The following CDKN2B-AS1 variants were observed in gnomAD, a reference collection of about 807,000 sequenced individuals.
CDKN2B-AS1 encodes the protein CDKN2B and CDKN2A antisense cis and trans regulatory RNA 1.
intron 4 of CDKN2B-AS1, among the ~76,000 whole-genome samples, chr9:22,057,129 A>T (rs1587468849): frequency 6.6e-6 from 1 of 152,290 alleles, no homozygotes; most frequent in Admixed American, 6.5e-5. Context: ...TATGTGAATT[A>T]TTTTGATAAA....
At chr9:22,045,869 G>A (rs1019962639) in intron 1 of CDKN2B-AS1, among the ~76,000 whole-genome samples, 1 of 151,838 alleles carries the variant, frequency 6.6e-6, no homozygotes, top group Admixed American at 6.6e-5. Context: ...TAAATCAGAA[G>A]GTGTATTTAT....
intron 4 of CDKN2B-AS1, among the ~76,000 whole-genome samples, chr9:22,095,915 C>G (rs912613026): frequency 1.3e-5 from 2 of 151,478 alleles, no homozygotes; most frequent in South Asian, 2.1e-4. Flanking sequence ...CAACCCCTGC[C>G]TTTTTTTGTT....
intron 1 of CDKN2B-AS1, among the ~76,000 whole-genome samples, chr9:22,013,276 T>C (rs1168798479): frequency 6.6e-6 from 1 of 152,206 alleles, no homozygotes; most frequent in Non-Finnish European, 1.5e-5. Flanking sequence ...AATATAAAAA[T>C]TTAGAGGTGA....
At chr9:22,082,527 A>T (rs1824733393) in intron 4 of CDKN2B-AS1, among the ~76,000 whole-genome samples, 1 of 152,176 alleles carries the variant, frequency 6.6e-6, no homozygotes, top group Non-Finnish European at 1.5e-5. Flanking sequence ...TGCACTCCAA[A>T]ATTTGTTGAA....
intron 4 of CDKN2B-AS1, among the ~76,000 whole-genome samples, chr9:22,111,396 A>G (rs945974350): frequency 6.6e-6 from 1 of 152,162 alleles, no homozygotes; most frequent in African/African-American, 2.4e-5. Context: ...AAGAGCAGGG[A>G]TTCAACAAAG....
chr9:22,104,419 G>T (rs1286328241), intron 4 of CDKN2B-AS1, among the ~76,000 whole-genome samples: 3 of 152,182 alleles, frequency 2.0e-5, no homozygotes, highest in African/African-American at 7.2e-5. Flanking sequence ...CCCAAGTGAG[G>T]ATGCTCTCTA....
chr9:22,071,032 A>G (rs990911786), intron 4 of CDKN2B-AS1, among the ~76,000 whole-genome samples: 4 of 152,084 alleles, frequency 2.6e-5, no homozygotes, highest in Admixed American at 1.3e-4. Context: ...GATTCAAGCC[A>G]CTGGATTAAG....
At chr9:22,100,503 A>C (rs951256200) in intron 4 of CDKN2B-AS1, among the ~76,000 whole-genome samples, 2 of 151,950 alleles carry the variant, frequency 1.3e-5, no homozygotes, top group Admixed American at 6.6e-5. Context: ...ATTCCTTTTT[A>C]TTTGTGTCTA....
chr9:22,025,610 A>G (rs1281436468), intron 1 of CDKN2B-AS1, among the ~76,000 whole-genome samples: 2 of 152,304 alleles, frequency 1.3e-5, no homozygotes, highest in South Asian at 4.1e-4. Context: ...GGCCAGCTCC[A>G]GTCCCTGGTC....
At chr9:22,023,511 A>C (rs1587416485) in intron 1 of CDKN2B-AS1, among the ~76,000 whole-genome samples, 1 of 151,916 alleles carries the variant, frequency 6.6e-6, no homozygotes, top group Non-Finnish European at 1.5e-5. Flanking sequence ...AGGTGGGTGG[A>C]TCATTTGAGG....
intron 4 of CDKN2B-AS1, among the ~76,000 whole-genome samples, chr9:22,102,744 T>C (rs1563983262): frequency 6.6e-6 from 1 of 152,226 alleles, no homozygotes; most frequent in African/African-American, 2.4e-5. Flanking sequence ...AAGATTTTCT[T>C]TTCTGCTAAG....
intron 4 of CDKN2B-AS1, among the ~76,000 whole-genome samples, chr9:22,104,683 ATTTG>A (rs1226356096): frequency 6.6e-6 from 1 of 151,976 alleles, no homozygotes; most frequent in Non-Finnish European, 1.5e-5. Flanking sequence ...TCCATTTACC[ATTTG>A]TTTGTTTTTT....
At chr9:22,050,608 C>G (rs1823305045) in intron 3 of CDKN2B-AS1, among the ~76,000 whole-genome samples, 1 of 152,154 alleles carries the variant, frequency 6.6e-6, no homozygotes, top group Non-Finnish European at 1.5e-5. Context: ...GTGAATGCTT[C>G]CTAGGAGAGC....
At chr9:22,071,292 T>G (rs1466756222) in intron 4 of CDKN2B-AS1, among the ~76,000 whole-genome samples, 909 of 23,138 alleles carry the variant, frequency 0.039, 19 homozygotes, top group African/African-American at 0.097. Context: ...TAGCTTTTTT[T>G]TTTTTTTTTT....
intron 4 of CDKN2B-AS1, among the ~76,000 whole-genome samples, chr9:22,102,177 T>C (rs183468826): frequency 6.6e-6 from 1 of 152,230 alleles, no homozygotes; most frequent in Admixed American, 6.5e-5. Context: ...AGGCATTCCT[T>C]TGAATTGCAC....
rs559368389 is a variant in CDKN2B-AS1, at chr9:22,039,973, A to G, written n.30-6778A>G. Among the ~76,000 whole-genome samples, 5 of 152,164 alleles carry G rather than the reference A, an allele frequency of 3.3e-5. No individual in the cohort carries two copies. Among genetic ancestry groups the G allele is most frequent in the Non-Finnish European group, 7.4e-5 (5 of 67,968 alleles). ...TTTGGCCATAGAGACATGCACTGGG[A>G]GAATGCTCTCTGAAGACTGGAGTTA... On this transcript the variant is annotated intron_variant and non_coding_transcript_variant, in intron 1 of 4. Transcript: ENST00000650946. The surrounding 1 kb of genome is among the most constrained non-coding windows in gnomAD (Gnocchi z 4.4).
At chr9:22,121,358 T>C (rs72654280) in intron 4 of CDKN2B-AS1, among the ~76,000 whole-genome samples, 9,848 of 122,196 alleles carry the variant, frequency 0.081, 328 homozygotes, top group Non-Finnish European at 0.099. Flanking sequence ...GTAATTTTTA[T>C]TCTTTTAAAA....
chr9:22,040,529 A>G (rs958909538), intron 1 of CDKN2B-AS1, among the ~76,000 whole-genome samples: 6 of 151,990 alleles, frequency 3.9e-5, no homozygotes, highest in Non-Finnish European at 7.4e-5. Flanking sequence ...GCAGACTGGG[A>G]GAAGTTTTAT....
chr9:22,082,829 T>C (rs538483002), intron 4 of CDKN2B-AS1, among the ~76,000 whole-genome samples: 154 of 152,274 alleles, frequency 1.0e-3, no homozygotes, highest in African/African-American at 3.5e-3. Flanking sequence ...ATTAGACTAT[T>C]TCCATTTGAC....
Sources: gnomAD v4.1 joint callset for allele counts (sites outside exome capture counted in the v4.1 genomes callset) on GRCh38, gnomAD v4.1.1 for gene constraint, Gnocchi (gnomAD v3.1) non-coding constraint, MANE v1.5 for transcripts, NCBI Gene and HGNC (gene_info 2026-07-23, HGNC 2026-07-21) for gene names.